The following AKAP6 variants were observed in gnomAD, a reference collection of about 807,000 sequenced individuals.
The protein encoded by AKAP6 is A-kinase anchor protein 6.
Under a neutral mutation model 188.5 loss-of-function variants are expected in AKAP6, and 58 were observed. That is an observed-to-expected ratio of 0.31 (90% CI 0.25 to 0.38). AKAP6 has a LOEUF of 0.38. Among genes scored for constraint, AKAP6 ranks in the 10% least tolerant of loss-of-function variants. AKAP6 has a pLI of 1.00. For synonymous variants in AKAP6, 989 were observed against 998.6 expected (o/e 0.99, Z 0.18); for missense variants, 2,710 against 2,740.0 (o/e 0.99, Z 0.24).
At chr14:32,384,075 A>G (rs1241443402) in intron 1 of AKAP6, among the ~76,000 whole-genome samples, 3 of 152,182 alleles carry the variant, frequency 2.0e-5, no homozygotes, top group African/African-American at 7.2e-5. Context: ...CAGTGCTGGA[A>G]TTAGGAGCAC....
intron 2 of AKAP6, among the ~76,000 whole-genome samples, chr14:32,504,373 CAG>C (rs2138994812): frequency 6.6e-6 from 1 of 152,206 alleles, no homozygotes; most frequent in South Asian, 2.1e-4. Flanking sequence ...CTTTGCCTCC[CAG>C]GCTCAAGCAA....
chr14:32,697,639 T>C (rs1392803522), intron 9 of AKAP6, among the ~76,000 whole-genome samples: 1 of 152,198 alleles, frequency 6.6e-6, no homozygotes, highest in African/African-American at 2.4e-5. Context: ...TCTCGGACTT[T>C]ATTGCACTCA....
chr14:32,408,118 G>C (rs1258951308), intron 1 of AKAP6, among the ~76,000 whole-genome samples: 1 of 151,758 alleles, frequency 6.6e-6, no homozygotes, highest in African/African-American at 2.4e-5. Context: ...TAGTTATCAT[G>C]GCATGAGTAA....
At chr14:32,602,721 A>T (rs1441420412) in intron 7 of AKAP6, among the ~76,000 whole-genome samples, 1 of 152,166 alleles carries the variant, frequency 6.6e-6, no homozygotes, top group Non-Finnish European at 1.5e-5. Flanking sequence ...ATGTCATTTA[A>T]TTATCATGAC....
intron 11 of AKAP6, among the ~76,000 whole-genome samples, chr14:32,768,341 T>C (rs1444482493): frequency 6.6e-6 from 1 of 152,204 alleles, no homozygotes; most frequent in Non-Finnish European, 1.5e-5. Context: ...GAGCAGAGTT[T>C]CTTTTTAGCT....
At chr14:32,366,601 A>C (rs146711602) in intron 1 of AKAP6, among the ~76,000 whole-genome samples, 1 of 152,278 alleles carries the variant, frequency 6.6e-6, no homozygotes, top group African/African-American at 2.4e-5. Context: ...TGTTGACTTT[A>C]ACTGGCATTG....
chr14:32,585,940 T>C (rs1885219903), intron 5 of AKAP6, among the ~76,000 whole-genome samples: 1 of 152,156 alleles, frequency 6.6e-6, no homozygotes, highest in Admixed American at 6.5e-5. Context: ...TTTGAATGTC[T>C]TTTTAATGGA....
At chr14:32,657,146 C>T (rs1258638855) in intron 7 of AKAP6, among the ~76,000 whole-genome samples, 1 of 152,160 alleles carries the variant, frequency 6.6e-6, no homozygotes, top group Non-Finnish European at 1.5e-5. Flanking sequence ...TCCTGGGAGC[C>T]CTGGCTCTGA....
At chr14:32,751,963 TTC>T (rs1277073303) in intron 11 of AKAP6, among the ~76,000 whole-genome samples, 19 of 152,218 alleles carry the variant, frequency 1.2e-4, no homozygotes, top group Admixed American at 1.2e-3. Flanking sequence ...TTCAGTATTG[TTC>T]TGAGTCTTCA....
chr14:32,663,471 A>C (rs894215554), intron 7 of AKAP6, among the ~76,000 whole-genome samples: 1 of 152,056 alleles, frequency 6.6e-6, no homozygotes, highest in Admixed American at 6.6e-5. Flanking sequence ...AGGACAGAGG[A>C]GTCCTGTGTA....
intron 7 of AKAP6, among the ~76,000 whole-genome samples, chr14:32,635,977 A>C (rs1887468683): frequency 6.6e-6 from 1 of 152,090 alleles, no homozygotes; most frequent in Non-Finnish European, 1.5e-5. Flanking sequence ...GAAATCCACT[A>C]TTAAGCTTAC....
At chr14:32,808,641 A>C (rs761662589) in intron 12 of AKAP6, among the ~76,000 whole-genome samples, 2 of 152,222 alleles carry the variant, frequency 1.3e-5, no homozygotes, top group Non-Finnish European at 2.9e-5. Flanking sequence ...ACCCACTTCA[A>C]ATAGGGAAGG....
intron 9 of AKAP6, among the ~76,000 whole-genome samples, chr14:32,709,567 C>T: frequency 6.6e-6 from 1 of 152,018 alleles, no homozygotes; most frequent in East Asian, 1.9e-4. Flanking sequence ...TCCAGGACTG[C>T]AAGTACCTTG....
intron 1 of AKAP6, among the ~76,000 whole-genome samples, chr14:32,379,826 A>C (rs958967243): frequency 6.6e-6 from 1 of 152,144 alleles, no homozygotes; most frequent in Admixed American, 6.5e-5. Context: ...TAATCTGTGA[A>C]TTGCCATTGA....
chr14:32,584,864 T>C (rs774162895), intron 5 of AKAP6, among the ~76,000 whole-genome samples: 2 of 152,248 alleles, frequency 1.3e-5, no homozygotes, highest in African/African-American at 4.8e-5. Context: ...TGTATGGATA[T>C]ACCACAATTT....
intron 1 of AKAP6, among the ~76,000 whole-genome samples, chr14:32,366,706 C>CTGTGTG (rs140304888): frequency 6.6e-6 from 1 of 150,464 alleles, no homozygotes; most frequent in African/African-American, 2.4e-5. Context: ...GTGTGTGTGT[C>CTGTGTG]TGTGTGTGTG....
chr14:32,542,286 TAGAG>T (rs1191873396), intron 3 of AKAP6, among the ~76,000 whole-genome samples: 1 of 152,190 alleles, frequency 6.6e-6, no homozygotes, highest in Admixed American at 6.5e-5. Context: ...TAGGAAGGCA[TAGAG>T]AGACATTCTA....
chr14:32,392,419 A>G (rs1429760669), intron 1 of AKAP6, among the ~76,000 whole-genome samples: 2 of 152,212 alleles, frequency 1.3e-5, no homozygotes, highest in African/African-American at 2.4e-5. Context: ...TTTCTAATAT[A>G]TACACACAAA....
chr14:32,369,887 C>T (rs1400264197), intron 1 of AKAP6, among the ~76,000 whole-genome samples: 9 of 152,018 alleles, frequency 5.9e-5, no homozygotes, highest in Non-Finnish European at 8.8e-5. Context: ...AAAAATTAGC[C>T]GGGCATGTTG....
Sources: gnomAD v4.1 joint callset for allele counts (sites outside exome capture counted in the v4.1 genomes callset) on GRCh38, gnomAD v4.1.1 for gene constraint, MANE v1.5 for transcripts, NCBI Gene and HGNC (gene_info 2026-07-23, HGNC 2026-07-21) for gene names.